Variants in GPR176 observed in about 807,000 individuals in gnomAD.
The protein encoded by GPR176 is G protein-coupled receptor 176.
Under a neutral mutation model 35.4 loss-of-function variants are expected in GPR176, and 26 were observed. The observed-to-expected ratio is 0.74, with a 90% CI of 0.54 to 1.02. The LOEUF (loss-of-function observed/expected upper bound fraction) is 1.02. Among genes scored for constraint, GPR176 ranks in the 50% least tolerant of loss-of-function variants. The probability of loss-of-function intolerance (pLI) is 0.00; values close to 1 mark genes in which losing one functional copy is unlikely to be tolerated. For synonymous variants in GPR176, 278 were observed against 271.3 expected (o/e 1.02, Z -0.24); for missense variants, 597 against 665.3 (o/e 0.90, Z 1.13).
At chr15:39,908,881 T>C (rs536951590) in intron 1 of GPR176, among the ~76,000 whole-genome samples, 21 of 152,124 alleles carry the variant, frequency 1.4e-4, no homozygotes, top group Non-Finnish European at 2.9e-4. Flanking sequence ...GACAAAGAAA[T>C]AGGATACTGG....
chr15:39,906,628 A>C (rs144069763), intron 1 of GPR176, among the ~76,000 whole-genome samples: 1 of 152,318 alleles, frequency 6.6e-6, no homozygotes, highest in East Asian at 1.9e-4. Context: ...AATCAGGTGA[A>C]ACCTTCTGCC....
rs993436794 is a variant in GPR176, at chr15:39,835,812, G to C, written c.173-28554C>G. Among the ~76,000 whole-genome samples the C allele has an allele frequency of 1.3e-5, 2 of 152,164 alleles. 1 individual carries two copies. Among genetic ancestry groups the C allele is most frequent in the East Asian group, 3.8e-4 (2 of 5,196 alleles). On this transcript the variant is annotated intron_variant, in intron 1 of 2. Transcript: ENST00000561100. ...GTGTCCATCTAAAAACAGAGTTTCA[G>C]GCCTGACATGGTGGCTCATGCCTGT...
chr15:39,826,905 T>C (rs1215396675), intron 1 of GPR176, among the ~76,000 whole-genome samples: 1 of 152,048 alleles, frequency 6.6e-6, no homozygotes, highest in Non-Finnish European at 1.5e-5. Context: ...AGAATAACAA[T>C]AATAATAATA....
intron 1 of GPR176, among the ~76,000 whole-genome samples, chr15:39,898,467 G>C (rs2033183472): frequency 6.6e-6 from 1 of 152,180 alleles, no homozygotes; most frequent in Non-Finnish European, 1.5e-5. Flanking sequence ...AGGTTCCTAA[G>C]CAAAGACAGA....
intron 1 of GPR176, among the ~76,000 whole-genome samples, chr15:39,909,032 A>G (rs374911917): frequency 1.8e-4 from 27 of 152,310 alleles, no homozygotes; most frequent in African/African-American, 5.8e-4. Flanking sequence ...GGTTCACTCA[A>G]TATTCCCTCT....
In GPR176 at chr15:39,910,302, C is replaced by T. The variant is rs566296984; in HGVS notation, c.172+9553G>A. Among the ~76,000 whole-genome samples, 6 of 152,328 alleles carry T rather than the reference C, an allele frequency of 3.9e-5. No individual in the cohort carries two copies. In the South Asian group the frequency reaches 1.2e-3, roughly 32 times the overall value. On this transcript the variant is annotated intron_variant, in intron 1 of 2. Transcript: ENST00000561100. ...AAGCATCGGTATCAATTGGTAAAAA[C>T]TTCAGCCGGGCATGGTGGCTCATGC... is the stretch of plus-strand genomic sequence containing the variant.
Position 39,807,141 on chromosome 15 carries a change from A to C in GPR176, c.290T>G (p.Phe97Cys). The C allele has an allele frequency of 1.9e-6, 3 of 1,614,026 alleles. No homozygotes were observed. Among genetic ancestry groups the C allele is most frequent in the Non-Finnish European group, 2.5e-6 (3 of 1,179,950 alleles). ...AGGACTGGTGCTGAGGATGATGTCG[A>C]AGGGCACACAGACCAGGCTGGCACA... The part of the protein sequence containing the change: ...GICASLVCVP[F>C]DIILSTSPHC... The change falls in exon 2 of 3, where the codon TTC becomes TGC. Residue 97 changes from phenylalanine (F) to cysteine (C), a missense_variant. Physicochemically the swap from Phe to Cys is radical, Grantham distance 205. Coordinates refer to ENST00000561100, the MANE Select transcript of GPR176 (RefSeq NM_007223.3).
chr15:39,859,293 T>C (rs891931077), intron 1 of GPR176, among the ~76,000 whole-genome samples: 11 of 151,708 alleles, frequency 7.3e-5, no homozygotes, highest in African/African-American at 2.7e-4. Flanking sequence ...CCAGAATATA[T>C]AAAAAATTCC....
At chr15:39,869,587 C>A (rs554598131) in intron 1 of GPR176, among the ~76,000 whole-genome samples, 1 of 152,264 alleles carries the variant, frequency 6.6e-6, no homozygotes, top group African/African-American at 2.4e-5. Flanking sequence ...TTTCTTCTCT[C>A]TTCTCCTCAT....
At chr15:39,855,411 T>C (rs1055063389) in intron 1 of GPR176, among the ~76,000 whole-genome samples, 1 of 152,172 alleles carries the variant, frequency 6.6e-6, no homozygotes, top group African/African-American at 2.4e-5. Context: ...ACAGCCCACC[T>C]AAAATGCTAC....
intron 1 of GPR176, among the ~76,000 whole-genome samples, chr15:39,839,149 T>C (rs1186287543): frequency 6.6e-6 from 1 of 152,140 alleles, no homozygotes; most frequent in Non-Finnish European, 1.5e-5. Context: ...AAAGTTCATA[T>C]GGAACCAAAA....
chr15:39,866,118 A>AT (rs1200701654), intron 1 of GPR176, among the ~76,000 whole-genome samples: 1 of 152,114 alleles, frequency 6.6e-6, no homozygotes, highest in Non-Finnish European at 1.5e-5. Context: ...ATGGTATGCT[A>AT]TTTTTTGTAT....
In GPR176 at chr15:39,918,694, T is replaced by C. The variant is rs533502819; in HGVS notation, c.172+1161A>G. Among the ~76,000 whole-genome samples, 4 of 152,120 alleles carry C rather than the reference T, an allele frequency of 2.6e-5. No homozygotes were observed. The South Asian group carries it at 6.2e-4, about 24-fold the overall frequency. ...ACACACACACACACACCCCTAGATA[T>C]AGCAATAGTAGTATCTACTCCTGAA... is the stretch of plus-strand genomic sequence containing the variant. On this transcript the variant is annotated intron_variant, in intron 1 of 2. Transcript: ENST00000561100.
At chr15:39,903,640 A>G (rs2033341905) in intron 1 of GPR176, among the ~76,000 whole-genome samples, 2 of 152,046 alleles carry the variant, frequency 1.3e-5, no homozygotes, top group South Asian at 4.1e-4. Flanking sequence ...ATGGGCCTCC[A>G]AAAAACTGTA....
At chr15:39,911,062 T>C (rs1353574369) in intron 1 of GPR176, among the ~76,000 whole-genome samples, 3 of 151,508 alleles carry the variant, frequency 2.0e-5, no homozygotes, top group Non-Finnish European at 4.4e-5. Flanking sequence ...TAAAATAAAA[T>C]AAAATAAAAT....
intron 1 of GPR176, among the ~76,000 whole-genome samples, chr15:39,863,804 G>A (rs371152416): frequency 1.3e-5 from 2 of 152,158 alleles, no homozygotes; most frequent in Non-Finnish European, 2.9e-5. Flanking sequence ...TCTAGCCTAG[G>A]TACGTAGCAG....
At chr15:39,865,597 G>C (rs1448933795) in intron 1 of GPR176, among the ~76,000 whole-genome samples, 1 of 151,996 alleles carries the variant, frequency 6.6e-6, no homozygotes, top group Non-Finnish European at 1.5e-5. Flanking sequence ...TATTTAATGG[G>C]TACAATGTAC....
chr15:39,903,575 T>C (rs1427544014), intron 1 of GPR176, among the ~76,000 whole-genome samples: 3 of 145,180 alleles, frequency 2.1e-5, no homozygotes, highest in African/African-American at 7.5e-5. Context: ...GGCTACATCA[T>C]ATGTGAGGTT....
At chr15:39,873,769 G>A (rs778345322) in intron 1 of GPR176, among the ~76,000 whole-genome samples, 3 of 151,836 alleles carry the variant, frequency 2.0e-5, no homozygotes, top group South Asian at 2.1e-4. Context: ...CAGCCCCCAC[G>A]ATTGTCAACC....
Sources: gnomAD v4.1 joint callset for allele counts (sites outside exome capture counted in the v4.1 genomes callset) on GRCh38, gnomAD v4.1.1 for gene constraint, MANE v1.5 for transcripts, NCBI Gene and HGNC (gene_info 2026-07-23, HGNC 2026-07-21) for gene names.